The following BCAR3 variants were observed in gnomAD, a reference collection of about 807,000 sequenced individuals.
BCAR3 encodes breast cancer anti-estrogen resistance protein 3.
BCAR3 carries 37 observed loss-of-function variants against 80.1 expected under a neutral mutation model. That is an observed-to-expected ratio of 0.46 (90% confidence interval 0.36 to 0.61). BCAR3 has a LOEUF of 0.61. BCAR3 is among the 20% of genes least tolerant of loss of function. The probability of loss-of-function intolerance (pLI) is 0.00; values close to 1 mark genes in which losing one functional copy is unlikely to be tolerated. For missense variants in BCAR3, 978 were observed against 1,068.2 expected (o/e 0.92, Z 1.18); for synonymous variants, 389 against 418.9 (o/e 0.93, Z 0.87).
chr1:93,608,685 G>A (rs374278508), intron 3 of BCAR3, among the ~76,000 whole-genome samples: 49 of 152,280 alleles, frequency 3.2e-4, no homozygotes, highest in African/African-American at 8.7e-4. Context: ...CTAGGGAACC[G>A]GGTCCTGGGA....
At chr1:93,636,014 T>C (rs74101653) in intron 3 of BCAR3, among the ~76,000 whole-genome samples, 4,631 of 152,310 alleles carry the variant, frequency 0.03, 79 homozygotes, top group Middle Eastern at 0.054. Flanking sequence ...CACTTATTCT[T>C]GGCATTGGAA....
chr1:93,832,853 T>C (rs1346230841), intron 2 of BCAR3, among the ~76,000 whole-genome samples: 3 of 152,144 alleles, frequency 2.0e-5, no homozygotes, highest in African/African-American at 7.2e-5. Flanking sequence ...CTTTCCTGAC[T>C]ATTCCTGGGC....
At chr1:93,710,540 C>G (rs12073093) in intron 2 of BCAR3, among the ~76,000 whole-genome samples, 25,452 of 152,138 alleles carry the variant, frequency 0.17, 2,278 homozygotes, top group African/African-American at 0.19. Flanking sequence ...GCTCCTAATG[C>G]AAACTTGTTA....
intron 2 of BCAR3, among the ~76,000 whole-genome samples, chr1:93,819,351 C>G (rs1223001016): frequency 6.6e-6 from 1 of 152,168 alleles, no homozygotes; most frequent in Non-Finnish European, 1.5e-5. Context: ...GGTGTGAACC[C>G]CCACGCCCAG....
chr1:93,678,083 CA>C (rs1375278974), intron 1 of BCAR3, among the ~76,000 whole-genome samples: 2 of 152,126 alleles, frequency 1.3e-5, no homozygotes, highest in African/African-American at 4.8e-5. Flanking sequence ...CCTGGCTACA[CA>C]TAAGAATCCT....
chr1:93,740,366 C>T (rs939538858), intron 2 of BCAR3, among the ~76,000 whole-genome samples: 4 of 152,200 alleles, frequency 2.6e-5, no homozygotes, highest in African/African-American at 7.2e-5. Context: ...CAAGCTGGGC[C>T]ATCCACTTTT....
chr1:93,584,065 C>G lies in BCAR3; in HGVS notation c.986G>C (p.Arg329Thr). The change falls in exon 6 of 12, where the codon AGA becomes ACA. Residue 329 changes from arginine to threonine, a missense_variant. Coordinates refer to ENST00000260502, the MANE Select transcript of BCAR3 (RefSeq NM_003567.4). ...PACLDHMQDR[R>T]ALSLKAHQSE... is the part of the protein sequence containing the mutation. Reference sequence around the variant, plus strand: ...CTGGTGGGCTTTGAGGGACAAGGCTCTTCTGTCCTGCATGTGATCCAGGCA... The same window carrying G: ...CTGGTGGGCTTTGAGGGACAAGGCTGTTCTGTCCTGCATGTGATCCAGGCA... The G allele has an allele frequency of 1.2e-6, 2 of 1,614,180 alleles. No homozygotes were observed. The highest frequency in any genetic ancestry group is 1.7e-6 in the Non-Finnish European group (2 of 1,180,026).
chr1:93,628,697 C>T (rs918811043), intron 3 of BCAR3, among the ~76,000 whole-genome samples: 41 of 152,144 alleles, frequency 2.7e-4, no homozygotes, highest in Non-Finnish European at 5.0e-4. Flanking sequence ...AGCTGCTTTC[C>T]CTGATGCATC....
intron 3 of BCAR3, among the ~76,000 whole-genome samples, chr1:93,623,515 A>G (rs1403477122): frequency 2.0e-5 from 3 of 152,276 alleles, no homozygotes; most frequent in East Asian, 1.9e-4. Context: ...TTCCCCTTGG[A>G]CCACAAGCCT....
chr1:93,566,373 G>T (rs1276447749), intron 11 of BCAR3, among the ~76,000 whole-genome samples: 3 of 152,046 alleles, frequency 2.0e-5, no homozygotes, highest in Non-Finnish European at 4.4e-5. Context: ...GACCAAATCA[G>T]TCCCTTCCCC....
intron 3 of BCAR3, among the ~76,000 whole-genome samples, chr1:93,617,870 T>A (rs892664647): frequency 6.6e-6 from 1 of 152,272 alleles, no homozygotes; most frequent in East Asian, 1.9e-4. Flanking sequence ...GTGTGGCAGG[T>A]GCCTGGGAAG....
At chr1:93,845,496 A>G (rs2893260) in intron 2 of BCAR3, 950 of 2,584 alleles carry the variant, frequency 0.37, 89 homozygotes, top group African/African-American at 0.49. Context: ...ATATATATAT[A>G]TATATAAAAC....
chr1:93,567,610 T>G, intron 10 of BCAR3, 119 bp from the exon 11 acceptor site: 1 of 1,405,926 alleles, frequency 7.1e-7, no homozygotes, highest in South Asian at 1.3e-5. Flanking sequence ...AGCAACGCTG[T>G]CATCTGATAA....
At chr1:93,729,769 G>A (rs1182920641) in intron 2 of BCAR3, among the ~76,000 whole-genome samples, 1 of 152,188 alleles carries the variant, frequency 6.6e-6, no homozygotes, top group Non-Finnish European at 1.5e-5. Flanking sequence ...TGAGCCCTCA[G>A]TGGGCACCAC....
intron 2 of BCAR3, among the ~76,000 whole-genome samples, chr1:93,665,949 T>C (rs1297419088): frequency 1.3e-5 from 2 of 152,144 alleles, no homozygotes; most frequent in African/African-American, 4.8e-5. Context: ...TCAGCAGATA[T>C]GGCAGACTGT....
At chr1:93,628,565 CCTT>C (rs1444983433) in intron 3 of BCAR3, among the ~76,000 whole-genome samples, 4 of 152,154 alleles carry the variant, frequency 2.6e-5, no homozygotes, top group Non-Finnish European at 5.9e-5. Context: ...AAAGCCTTGC[CCTT>C]CTTCTTCCCC....
At chr1:93,664,370 C>T (rs1376512047) in intron 2 of BCAR3, among the ~76,000 whole-genome samples, 5 of 152,312 alleles carry the variant, frequency 3.3e-5, no homozygotes, top group East Asian at 1.9e-4. Context: ...CCGCCCACCT[C>T]GGCCTCCCAA....
chr1:93,636,588 T>G (rs1262919226), intron 3 of BCAR3, among the ~76,000 whole-genome samples: 1 of 152,170 alleles, frequency 6.6e-6, no homozygotes, highest in African/African-American at 2.4e-5. Context: ...ATTCCAATAT[T>G]TTTTTCTACT....
intron 7 of BCAR3, among the ~76,000 whole-genome samples, chr1:93,576,379 T>C (rs934177805): frequency 1.3e-5 from 2 of 152,252 alleles, no homozygotes; most frequent in African/African-American, 2.4e-5. Flanking sequence ...TCTGCAGATC[T>C]ACAGATTTGT....
Sources: gnomAD v4.1 joint callset for allele counts (sites outside exome capture counted in the v4.1 genomes callset) on GRCh38, gnomAD v4.1.1 for gene constraint, MANE v1.5 for transcripts, NCBI Gene and HGNC (gene_info 2026-07-23, HGNC 2026-07-21) for gene names.